Variants in TNRC18 observed in about 807,000 individuals in gnomAD.
TNRC18 encodes trinucleotide repeat-containing gene 18 protein.
TNRC18 carries 69 observed loss-of-function variants against 226.7 expected under a neutral mutation model. The observed-to-expected ratio is 0.30, with a 90% CI of 0.25 to 0.37. The LOEUF (loss-of-function observed/expected upper bound fraction) is 0.37. Among genes scored for constraint, TNRC18 ranks in the 10% least tolerant of loss-of-function variants. TNRC18 has a pLI of 1.00. For synonymous variants in TNRC18, 2,449 were observed against 1,927.6 expected (o/e 1.27, Z -7.09); for missense variants, 4,754 against 4,256.6 (o/e 1.12, Z -3.25).
chr7:5,365,585 A>G (rs1354298169), intron 11 of TNRC18, among the ~76,000 whole-genome samples: 1 of 151,768 alleles, frequency 6.6e-6, no homozygotes, highest in African/African-American at 2.4e-5. Flanking sequence ...GTCTCTACCA[A>G]ATTTAAATGA....
intron 24 of TNRC18, among the ~76,000 whole-genome samples, chr7:5,317,138 G>A (rs544949466): frequency 7.9e-5 from 12 of 152,198 alleles, no homozygotes; most frequent in South Asian, 6.2e-4. Flanking sequence ...CTGCCCACCC[G>A]CTATGACAAA....
intron 18 of TNRC18, among the ~76,000 whole-genome samples, chr7:5,339,595 G>A (rs1025460797): frequency 6.9e-6 from 1 of 144,588 alleles, no homozygotes; most frequent in African/African-American, 2.6e-5. Flanking sequence ...ACAGAGTGTC[G>A]CTCTTGTCAC....
At chr7:5,404,284 C>G (rs749938566) in intron 2 of TNRC18, among the ~76,000 whole-genome samples, 14 of 151,920 alleles carry the variant, frequency 9.2e-5, no homozygotes, top group Non-Finnish European at 5.9e-5. Flanking sequence ...GGCCGGAGAA[C>G]TGCTTGAACC....
At chr7:5,359,312 G>A in intron 15 of TNRC18, 86 bp downstream of exon 15, 2 of 1,376,590 alleles carry the variant, frequency 1.5e-6, no homozygotes, top group Non-Finnish European at 2.0e-6. Context: ...GGAACAAAGG[G>A]CCTGCGAAGG....
rs1230897457 is a variant in TNRC18 at position 5,325,194 on chromosome 7, G to A, written c.6202C>T (p.Pro2068Ser). The change falls in exon 20 of 30, where the codon CCT becomes TCT. Residue 2068 changes from proline (P) to serine (S), a missense_variant. Transcript: ENST00000430969. ...PGAGLPPPRA[P>S]ALPSEARAPH... ...GCCCTGGCCTCAGAGGGCAAGGCAG[G>A]AGCTCGGGGCGGCGGCAGCCCAGCT... 4 of 1,554,664 alleles carry A rather than the reference G, an allele frequency of 2.6e-6. No individual in the cohort carries two copies. Among genetic ancestry groups the A allele is most frequent in the Non-Finnish European group, 3.5e-6 (4 of 1,150,136 alleles).
intron 27 of TNRC18, among the ~76,000 whole-genome samples, chr7:5,310,910 G>A (rs1260855446): frequency 6.6e-6 from 1 of 151,956 alleles, no homozygotes; most frequent in Non-Finnish European, 1.5e-5. Flanking sequence ...ATTTGTGCAC[G>A]TGTTCATGTG....
intron 3 of TNRC18, among the ~76,000 whole-genome samples, chr7:5,390,892 G>C (rs998223552): frequency 2.0e-5 from 3 of 149,278 alleles, no homozygotes; most frequent in East Asian, 1.9e-4. Context: ...AGCGGGGCCC[G>C]ATAACAGCCT....
intron 2 of TNRC18, among the ~76,000 whole-genome samples, chr7:5,414,090 G>A (rs962995788): frequency 6.6e-6 from 1 of 151,852 alleles, no homozygotes; most frequent in Non-Finnish European, 1.5e-5. Context: ...GGGATTACAG[G>A]TGCCCTCCAC....
rs1788249884 is a variant in TNRC18, at chr7:5,320,596, A to G, written c.6572T>C (p.Val2191Ala). The G allele has an allele frequency of 6.2e-7, 1 of 1,611,166 alleles. No homozygotes were observed. The highest frequency in any genetic ancestry group is 8.5e-7 in the Non-Finnish European group (1 of 1,179,588). The change falls in exon 23 of 30, where the codon GTG becomes GCG. Residue 2191 changes from valine to alanine, a missense_variant. Physicochemically the swap from Val to Ala is moderately conservative, Grantham distance 64. Coordinates refer to ENST00000430969, the MANE Select transcript of TNRC18 (RefSeq NM_001080495.3). ...CCGGTTGCCCCGCTCACCCTCCACC[A>G]CCACGCGGTATCTGTAGGAGCAAAC... is the stretch of plus-strand genomic sequence containing the variant. ...TVHSPDIYRV[V>A]VEGERGNRPH...
At chr7:5,326,744 T>G (rs1232198620) in intron 19 of TNRC18, among the ~76,000 whole-genome samples, 1 of 149,530 alleles carries the variant, frequency 6.7e-6, no homozygotes. Context: ...TAGGCGGAGG[T>G]TGCAGTGAGC....
In TNRC18 at chr7:5,321,142, C is replaced by T. The variant is rs757900267; in HGVS notation, c.6491G>A (p.Arg2164His). The change falls in exon 22 of 30, where the codon CGT (arginine) becomes CAT (histidine). Residue 2164 changes from arginine (R) to histidine (H), a missense_variant. Transcript: ENST00000430969. Reference protein sequence around the residue: ...IDKDELKDGLRVLIPMDDKLL... With the variant: ...IDKDELKDGLHVLIPMDDKLL... ...CTTGTCATCCATGGGGATGAGCACA[C>T]GCAGGCCGTCCTTCAGCTCATCCTT... 5.8e-6 allele frequency: 9 copies of T among 1,554,544 alleles called. No homozygotes were observed. Among genetic ancestry groups the T allele is most frequent in the South Asian group, 1.2e-5 (1 of 84,198 alleles).
At chr7:5,386,380 C>T (rs938685284) in intron 5 of TNRC18, among the ~76,000 whole-genome samples, 2 of 151,930 alleles carry the variant, frequency 1.3e-5, no homozygotes, top group Non-Finnish European at 2.9e-5. Flanking sequence ...AGTTTGAGAC[C>T]AGCCTGGCCA....
chr7:5,313,967 T>G, intron 26 of TNRC18, 104 bp from the exon 27 acceptor site: 2 of 1,264,744 alleles, frequency 1.6e-6, no homozygotes, highest in Non-Finnish European at 2.0e-6. Context: ...GTTTTTGTTT[T>G]TGTTTTTTTT....
At chr7:5,326,625 T>G (rs1788935828) in intron 19 of TNRC18, among the ~76,000 whole-genome samples, 1 of 152,064 alleles carries the variant, frequency 6.6e-6, no homozygotes, top group African/African-American at 2.4e-5. Context: ...AATCTACACT[T>G]TCTAAAAGGG....
In TNRC18 at chr7:5,414,950, C is replaced by G. The variant is rs111688326; in HGVS notation, c.187+6110G>C. Among the ~76,000 whole-genome samples the G allele has an allele frequency of 9.0e-4, 137 of 152,348 alleles. 1 individual carries two copies. Among genetic ancestry groups the G allele is most frequent in the African/African-American group, 3.0e-3 (124 of 41,578 alleles). ...TTGCATTTTTCCAGTCTCTTTTAAT[C>G]AGGAACAGTTCTCCGCCTTCCTCTG... On this transcript the variant is annotated intron_variant, in intron 2 of 29. Coordinates refer to ENST00000430969, the MANE Select transcript of TNRC18 (RefSeq NM_001080495.3).
In TNRC18 at chr7:5,332,507, G is replaced by C. The variant is rs1028743138; in HGVS notation, c.6147+115C>G. Reference sequence around the variant, plus strand: ...AGGGGCTCCGGGCGGGCCTGGAGCCGAGTACATGGTTATTAACAGTGAAGC... The same window carrying C: ...AGGGGCTCCGGGCGGGCCTGGAGCCCAGTACATGGTTATTAACAGTGAAGC... On this transcript the variant is annotated intron_variant, in intron 19 of 29. Coordinates refer to ENST00000430969, the MANE Select transcript of TNRC18 (RefSeq NM_001080495.3). 1.9e-5 allele frequency: 23 copies of C among 1,208,192 alleles called. No individual in the cohort carries two copies. In the South Asian group the frequency reaches 3.3e-4, roughly 17 times the overall value. 74.8% of individuals were successfully genotyped at this position (1,208,192 alleles called of 1,614,324 possible).
chr7:5,387,760 C>A lies in TNRC18; in HGVS notation c.2064G>T (p.Val688=). 2 of 1,608,022 alleles carry A rather than the reference C, an allele frequency of 1.2e-6. No individual in the cohort carries two copies. Among genetic ancestry groups the A allele is most frequent in the Non-Finnish European group, 1.7e-6 (2 of 1,179,822 alleles). The part of the protein sequence containing the change: ...RHPPVGIAVA[V]ARQKDSGGSG... ...TGCCGCCACTGTCCTTCTGCCGGGC[C>A]ACAGCCACTGCAATGCCCACAGGCG... The change falls in exon 5 of 30, where the codon GTG becomes GTT. Residue 688 remains valine (V), a synonymous_variant. Transcript: ENST00000430969.
intron 24 of TNRC18, among the ~76,000 whole-genome samples, chr7:5,317,954 C>T (rs919317193): frequency 2.6e-5 from 4 of 151,962 alleles, no homozygotes; most frequent in African/African-American, 9.7e-5. Flanking sequence ...ACTGCAACCT[C>T]TACTTCCCGG....
chr7:5,375,700 C>G (rs927390205), intron 9 of TNRC18, among the ~76,000 whole-genome samples: 1 of 152,166 alleles, frequency 6.6e-6, no homozygotes, highest in African/African-American at 2.4e-5. Flanking sequence ...GCTCAGGCAA[C>G]AGCGGGAGCC....
Sources: allele counts gnomAD v4.1 joint callset (sites outside exome capture counted in the v4.1 genomes callset), GRCh38; gene constraint gnomAD v4.1.1; transcripts MANE v1.5; gene names NCBI Gene and HGNC (gene_info 2026-07-23, HGNC 2026-07-21).